The following CAMTA1 variants were observed in gnomAD, a reference collection of about 807,000 sequenced individuals.
CAMTA1 encodes the protein calmodulin-binding transcription activator 1.
In CAMTA1, 27 loss-of-function variants were observed where a neutral mutation model predicts 170.9. The observed-to-expected ratio is 0.16, with a 90% confidence interval of 0.12 to 0.22. CAMTA1 has a LOEUF of 0.22. Among genes scored for constraint, CAMTA1 ranks in the 10% least tolerant of loss-of-function variants. The pLI is 1.00. For missense variants in CAMTA1, 1,619 were observed against 2,217.2 expected, an observed-to-expected ratio of 0.73 and a Z score of 5.42; for synonymous variants, 833 against 891.5, an observed-to-expected ratio of 0.93 and a Z score of 1.17.
chr1:7,755,206 A>G (rs1370824769), intron 21 of CAMTA1, among the ~76,000 whole-genome samples: 2 of 151,886 alleles, frequency 1.3e-5, no homozygotes, highest in Non-Finnish European at 2.9e-5. Context: ...ACGCACCTGT[A>G]ATCCCAGCTA....
At chr1:7,764,602 C>G (rs574455185) in intron 22 of CAMTA1, among the ~76,000 whole-genome samples, 2 of 152,286 alleles carry the variant, frequency 1.3e-5, no homozygotes, top group East Asian at 3.9e-4. Context: ...TCAACCTATA[C>G]AATATAGCAA....
chr1:7,155,385 G>GT lies in CAMTA1; in HGVS notation c.302+64016dup, dbSNP rs200347502. On this transcript the variant is annotated intron_variant, in intron 4 of 22. Transcript: ENST00000303635. ...AGATCCCAGCCTCTGTGAGGGCACC[G>GT]TTGGGGGGGGGATTGGGCAGGGAAA... Among the ~76,000 whole-genome samples the GT allele has an allele frequency of 1.0e-3, 96 of 91,452 alleles. 1 individual carries two copies. In the East Asian group the frequency reaches 0.025, roughly 23 times the overall value. The allele number at this position is 91,452 out of a possible 152,430, so 60.0% of individuals were successfully genotyped here.
chr1:7,164,700 T>G (rs1051538185), intron 4 of CAMTA1, among the ~76,000 whole-genome samples: 15 of 152,256 alleles, frequency 9.9e-5, no homozygotes, highest in Non-Finnish European at 1.9e-4. Context: ...ATTCAAATTA[T>G]TTGTTCCTTG....
chr1:7,509,380 C>T (rs72863076), intron 6 of CAMTA1, among the ~76,000 whole-genome samples: 12,696 of 152,122 alleles, frequency 0.083, 1,540 homozygotes, highest in African/African-American at 0.27. Context: ...ACTTGGGGGT[C>T]GGGGGAGCCA....
At chr1:6,886,817 A>G (rs1301951935) in intron 3 of CAMTA1, among the ~76,000 whole-genome samples, 1 of 152,182 alleles carries the variant, frequency 6.6e-6, no homozygotes, top group Non-Finnish European at 1.5e-5. Context: ...AAATGAAAGA[A>G]CAGATCTGGG....
In CAMTA1 at chr1:7,249,635, C is replaced by T; in HGVS notation, c.438+9C>T. On this transcript the variant is annotated intron_variant, in intron 5 of 22. Coordinates refer to ENST00000303635, the MANE Select transcript of CAMTA1 (RefSeq NM_015215.4). The surrounding 1 kb of genome is among the most constrained non-coding windows in gnomAD (Gnocchi z 4.4). ...AGGTCCAGGGAGTGGAGGTAAACAG[C>T]AGAAAAGGTTCCCTTGGTGCACAAA... 1 of 1,612,888 alleles carries T rather than the reference C, an allele frequency of 6.2e-7. No individual in the cohort carries two copies. The highest frequency in any genetic ancestry group is 8.5e-7 in the Non-Finnish European group (1 of 1,179,524).
At chr1:7,284,594 T>C (rs1672089003) in intron 5 of CAMTA1, among the ~76,000 whole-genome samples, 1 of 152,220 alleles carries the variant, frequency 6.6e-6, no homozygotes, top group Non-Finnish European at 1.5e-5. Context: ...ACAAGTGTGC[T>C]AACTGCAGAG....
chr1:7,766,497 T>C lies in CAMTA1; in HGVS notation c.*6T>C, dbSNP rs1019808630. ...AAAAAGGCCAAGGAACTTGAAGACA[T>C]ACAGCAGCATCCCTTAGCAATGTGA... On this transcript the variant is annotated 3_prime_UTR_variant, in exon 23 of 23. Coordinates refer to ENST00000303635, the MANE Select transcript of CAMTA1 (RefSeq NM_015215.4). 3 of 1,613,898 alleles carry C rather than the reference T, an allele frequency of 1.9e-6. No individual in the cohort carries two copies. Among genetic ancestry groups the C allele is most frequent in the Middle Eastern group, 1.7e-4 (1 of 6,060 alleles).
chr1:7,231,329 G>GTA (rs1232686025), intron 4 of CAMTA1, among the ~76,000 whole-genome samples: 4 of 91,890 alleles, frequency 4.4e-5, no homozygotes, highest in Non-Finnish European at 9.9e-5. Context: ...CTGGCTTAAT[G>GTA]TGTGTGTGTG....
chr1:7,088,293 G>A (rs1374241584), intron 3 of CAMTA1, among the ~76,000 whole-genome samples: 1 of 152,132 alleles, frequency 6.6e-6, no homozygotes, highest in Non-Finnish European at 1.5e-5. Flanking sequence ...GGTGATGTAG[G>A]TAGTTCTTAC....
chr1:6,823,455 T>C (rs1418905429), intron 2 of CAMTA1, among the ~76,000 whole-genome samples: 1 of 152,148 alleles, frequency 6.6e-6, no homozygotes, highest in Non-Finnish European at 1.5e-5. Context: ...AAGCAGTCAG[T>C]TTTTAGGTTT....
chr1:7,298,468 C>T (rs923228749), intron 5 of CAMTA1, among the ~76,000 whole-genome samples: 1 of 152,148 alleles, frequency 6.6e-6, no homozygotes, highest in Non-Finnish European at 1.5e-5. Flanking sequence ...AAACGGGACC[C>T]TTAATACTGC....
chr1:7,664,318 T>C lies in CAMTA1; in HGVS notation c.1771T>C (p.Ser591Pro). ...LEQMDFSAIDSNKDYTSSFSQ... is the reference protein window; with the variant it reads ...LEQMDFSAIDPNKDYTSSFSQ... ...GCAGATGGACTTCAGCGCCATCGAC[T>C]CCAACAAGGACTACACGTCCAGCTT... Residue 591 changes from serine (S) to proline (P), a missense_variant, in exon 9 of 23, where the codon TCC (serine) becomes CCC (proline). Physicochemically the swap from Ser to Pro is moderately conservative, Grantham distance 74 (BLOSUM62 -1). Coordinates refer to ENST00000303635, the MANE Select transcript of CAMTA1 (RefSeq NM_015215.4). 6.2e-7 allele frequency: 1 copy of C among 1,613,282 alleles called. No individual in the cohort carries two copies. Among genetic ancestry groups the C allele is most frequent in the Non-Finnish European group, 8.5e-7 (1 of 1,180,002 alleles).
At chr1:6,963,495 G>T (rs1216528857) in intron 3 of CAMTA1, among the ~76,000 whole-genome samples, 2 of 152,038 alleles carry the variant, frequency 1.3e-5, no homozygotes, top group African/African-American at 4.8e-5. Flanking sequence ...CTGTTCTTCA[G>T]GGGGTGCCTT....
intron 7 of CAMTA1, among the ~76,000 whole-genome samples, chr1:7,654,816 C>CACACCACA (rs1553235419): frequency 2.4e-5 from 3 of 127,432 alleles, no homozygotes; most frequent in African/African-American, 9.4e-5. Context: ...CCCACACACA[C>CACACCACA]CACACACACC....
chr1:7,033,482 T>C (rs1443134279), intron 3 of CAMTA1, among the ~76,000 whole-genome samples: 1 of 152,154 alleles, frequency 6.6e-6, no homozygotes, highest in Non-Finnish European at 1.5e-5. Flanking sequence ...TTATTATGAA[T>C]CATATTTTCC....
intron 4 of CAMTA1, among the ~76,000 whole-genome samples, chr1:7,240,335 A>C (rs186043556): frequency 6.6e-6 from 1 of 151,926 alleles, no homozygotes; most frequent in African/African-American, 2.4e-5. Flanking sequence ...TTATTTTTTT[A>C]GTTTTCAAAA....
At chr1:7,247,534 G>A (rs1462009043) in intron 4 of CAMTA1, among the ~76,000 whole-genome samples, 1 of 152,184 alleles carries the variant, frequency 6.6e-6, no homozygotes, top group African/African-American at 2.4e-5. Context: ...TCATTCTCCA[G>A]TCACAGAAAA....
intron 6 of CAMTA1, among the ~76,000 whole-genome samples, chr1:7,555,195 A>G (rs1295334607): frequency 2.0e-5 from 3 of 152,160 alleles, no homozygotes; most frequent in Non-Finnish European, 4.4e-5. Context: ...TGGGACACAC[A>G]GAGCTCGCCC....
Sources: gnomAD v4.1 joint callset for allele counts (sites outside exome capture counted in the v4.1 genomes callset) on GRCh38, gnomAD v4.1.1 for gene constraint, Gnocchi (gnomAD v3.1) non-coding constraint, MANE v1.5 for transcripts, NCBI Gene and HGNC (gene_info 2026-07-23, HGNC 2026-07-21) for gene names.